CCDC152: variants seen among roughly 807,000 people sequenced by gnomAD.
CCDC152 encodes the protein coiled-coil domain containing 152, also known as coiled-coil domain-containing protein 152.
Under a neutral mutation model 38.1 loss-of-function variants are expected in CCDC152, and 37 were observed. The ratio of observed to expected loss-of-function variants is 0.97; its 90% CI spans 0.75 to 1.28. The LOEUF (loss-of-function observed/expected upper bound fraction) is 1.28, where lower values mean the gene tolerates loss of function less well. CCDC152 is among the 50% of genes most tolerant of loss of function. The pLI is 0.00. For missense variants in CCDC152, 259 were observed against 292.1 expected (o/e 0.89, Z 0.83); for synonymous variants, 83 against 87.1 (o/e 0.95, Z 0.26).
Position 42,799,780 on chromosome 5 carries a change from G to T in CCDC152, c.764G>T (p.Ter255LeuextTer2). 1 of 1,547,192 alleles carries T rather than the reference G, an allele frequency of 6.5e-7. No individual in the cohort carries two copies. Among genetic ancestry groups the T allele is most frequent in the Non-Finnish European group, 8.7e-7 (1 of 1,145,956 alleles). Residue 255 changes from the stop codon to leucine (L), a stop_lost, in exon 9 of 9, where the codon TGA becomes TTA. Coordinates refer to ENST00000361970, the MANE Select transcript of CCDC152 (RefSeq NM_001134848.2). The stretch of plus-strand genomic sequence containing the variant: ...TCTCACCTTAAGCGTAGACGGTTTT[G>T]AGCTTAGCAGTAAATTCATTAGTTG... ...KDSHLKRRRF* is the reference protein window; with the variant it reads ...KDSHLKRRRFL
At chr5:42,780,206 T>TA (rs1476237827) in intron 5 of CCDC152, among the ~76,000 whole-genome samples, 1 of 152,152 alleles carries the variant, frequency 6.6e-6, no homozygotes, top group Non-Finnish European at 1.5e-5. Context: ...GTTGAATCTA[T>TA]AGGAGCTTTC....
rs201538946 is a variant in CCDC152 at position 42,799,722 on chromosome 5, G to A, written c.706G>A (p.Asp236Asn). The part of the protein sequence containing the change: ...EIAILRNTIR[D>N]LEQRLSVGKD... ...TGCAATTCTTCGTAATACCATTCGCGATTTAGAGCAACGCCTTTCTGTTGG... is the reference window on the plus strand; with the variant it reads ...TGCAATTCTTCGTAATACCATTCGCAATTTAGAGCAACGCCTTTCTGTTGG... Residue 236 changes from aspartate (D) to asparagine (N), a missense_variant, in exon 9 of 9, where the codon GAT (aspartate) becomes AAT (asparagine). Coordinates refer to ENST00000361970, the MANE Select transcript of CCDC152 (RefSeq NM_001134848.2). 1.7e-5 allele frequency: 26 copies of A among 1,551,090 alleles called. No homozygotes were observed. Among genetic ancestry groups the A allele is most frequent in the Middle Eastern group, 1.7e-4 (1 of 6,006 alleles).
At chr5:42,766,063 T>C (rs544743567) in intron 3 of CCDC152, among the ~76,000 whole-genome samples, 20 of 152,040 alleles carry the variant, frequency 1.3e-4, no homozygotes, top group Admixed American at 5.2e-4. Flanking sequence ...AACACCCCTA[T>C]AGGAAAAAAA....
chr5:42,773,269 A>G (rs1759725408), intron 4 of CCDC152, among the ~76,000 whole-genome samples: 1 of 152,336 alleles, frequency 6.6e-6, no homozygotes, highest in Non-Finnish European at 1.5e-5. Flanking sequence ...GAATCTTTTC[A>G]GTAGGGACTT....
At chr5:42,783,862 CAGTT>C (rs1343953535) in intron 6 of CCDC152, among the ~76,000 whole-genome samples, 2 of 151,516 alleles carry the variant, frequency 1.3e-5, no homozygotes, top group African/African-American at 4.8e-5. Context: ...TTCTGTTTCT[CAGTT>C]AGTTCACTTA....
At chr5:42,790,044 A>T (rs1169621315) in intron 6 of CCDC152, among the ~76,000 whole-genome samples, 1 of 152,250 alleles carries the variant, frequency 6.6e-6, no homozygotes, top group Non-Finnish European at 1.5e-5. Flanking sequence ...CAATCCATAG[A>T]CTTGGAAATG....
chr5:42,781,322 G>A (rs931353485), intron 5 of CCDC152, among the ~76,000 whole-genome samples: 3 of 152,140 alleles, frequency 2.0e-5, no homozygotes, highest in African/African-American at 4.8e-5. Flanking sequence ...TTAGAACCGA[G>A]AAGTTGAATA....
intron 4 of CCDC152, among the ~76,000 whole-genome samples, chr5:42,777,458 A>G (rs2111560117): frequency 7.4e-6 from 1 of 134,288 alleles, no homozygotes; most frequent in South Asian, 2.6e-4. Flanking sequence ...GCAAGACTTC[A>G]TCTCAATATA....
chr5:42,758,544 C>G (rs1010635109), intron 1 of CCDC152, among the ~76,000 whole-genome samples: 4 of 152,132 alleles, frequency 2.6e-5, no homozygotes, highest in Non-Finnish European at 4.4e-5. Context: ...TGCAAAATAG[C>G]CAGCATTTAC....
intron 6 of CCDC152, among the ~76,000 whole-genome samples, chr5:42,796,358 G>A (rs2111601203): frequency 6.6e-6 from 1 of 152,138 alleles, no homozygotes; most frequent in South Asian, 2.1e-4. Flanking sequence ...CATCCTAGAT[G>A]TCATGGTGTC....
chr5:42,790,756 A>G (rs1759988149), intron 6 of CCDC152, among the ~76,000 whole-genome samples: 1 of 152,214 alleles, frequency 6.6e-6, no homozygotes, highest in Non-Finnish European at 1.5e-5. Flanking sequence ...TGCCCATTAA[A>G]TAAGTTCTGC....
At chr5:42,766,521 A>G (rs538424770) in intron 3 of CCDC152, among the ~76,000 whole-genome samples, 1 of 152,360 alleles carries the variant, frequency 6.6e-6, no homozygotes, top group South Asian at 2.1e-4. Context: ...AGTGTTCATC[A>G]ACAGATGAAT....
At chr5:42,775,089 G>A (rs1196941542) in intron 4 of CCDC152, among the ~76,000 whole-genome samples, 1 of 149,516 alleles carries the variant, frequency 6.7e-6, no homozygotes, top group Non-Finnish European at 1.5e-5. Flanking sequence ...AACTACGAAA[G>A]CTGTAACAAA....
At position 42,802,321 on chromosome 5, in the gene CCDC152, A is replaced by G. The variant is rs1760226005; in HGVS notation, c.*2540A>G. 1 of 152,234 alleles carries G rather than the reference A, an allele frequency of 6.6e-6. No homozygotes were observed. The highest frequency in any genetic ancestry group is 1.9e-4 in the East Asian group (1 of 5,196). 9.4% of individuals were successfully genotyped at this position (152,234 alleles called of 1,614,324 possible). A position where few individuals can be genotyped will look rare whatever the true frequency, so the allele number is the denominator to read the frequency against. ...TAACAGTAAATCTCAACCTAAGGCTAATTTGCAAATAAAATTACAAAATCA... is the reference window on the plus strand; with the variant it reads ...TAACAGTAAATCTCAACCTAAGGCTGATTTGCAAATAAAATTACAAAATCA... On this transcript the variant is annotated 3_prime_UTR_variant, in exon 9 of 9. Coordinates refer to ENST00000361970, the MANE Select transcript of CCDC152 (RefSeq NM_001134848.2).
chr5:42,774,936 A>C lies in CCDC152; in HGVS notation c.263-4522A>C, dbSNP rs532350520. On this transcript the variant is annotated intron_variant, in intron 4 of 8. Transcript: ENST00000361970. ...TGTTGGACTCATTAGTAGACTAGAC[A>C]TAGCCTAATGAAAATAATTTCTCAG... is the stretch of plus-strand genomic sequence containing the variant. Among the ~76,000 whole-genome samples the C allele has an allele frequency of 5.3e-5, 8 of 152,220 alleles. No individual in the cohort carries two copies. The East Asian group carries it at 1.5e-3, about 29-fold the overall frequency.
chr5:42,797,330 G>A (rs1309961544), intron 7 of CCDC152, among the ~76,000 whole-genome samples: 1 of 152,152 alleles, frequency 6.6e-6, no homozygotes, highest in Non-Finnish European at 1.5e-5. Context: ...AGAGACAACA[G>A]CCTTTCATAG....
intron 4 of CCDC152, among the ~76,000 whole-genome samples, chr5:42,772,437 C>T (rs193221845): frequency 6.6e-6 from 1 of 152,114 alleles, no homozygotes; most frequent in East Asian, 1.9e-4. Context: ...CTGTGGCTCA[C>T]GCCTGTAATC....
At chr5:42,782,115 C>T (rs1759854776) in intron 5 of CCDC152, among the ~76,000 whole-genome samples, 1 of 152,168 alleles carries the variant, frequency 6.6e-6, no homozygotes, top group African/African-American at 2.4e-5. Flanking sequence ...ACTCATCTTT[C>T]TCTCTATGCC....
At chr5:42,765,537 A>G (rs1418643858) in intron 3 of CCDC152, among the ~76,000 whole-genome samples, 1 of 152,230 alleles carries the variant, frequency 6.6e-6, no homozygotes, top group East Asian at 1.9e-4. Context: ...CAGTAAGCAA[A>G]ACAGTATGAT....
Sources: allele counts gnomAD v4.1 joint callset (sites outside exome capture counted in the v4.1 genomes callset), GRCh38; gene constraint gnomAD v4.1.1; transcripts MANE v1.5; gene names NCBI Gene and HGNC (gene_info 2026-07-23, HGNC 2026-07-21).